Variants in COL5A2 observed in about 807,000 individuals in gnomAD.
COL5A2 encodes collagen type V alpha 2 chain.
COL5A2 carries 23 observed loss-of-function variants against 208.2 expected under a neutral mutation model. The observed-to-expected ratio is 0.11, with a 90% CI of 0.08 to 0.16. The LOEUF is 0.16. Among genes scored for constraint, COL5A2 ranks in the 10% least tolerant of loss-of-function variants. COL5A2 has a pLI of 1.00. For missense variants in COL5A2, 1,590 were observed against 1,956.4 expected, an observed-to-expected ratio of 0.81 and a Z score of 3.53; for synonymous variants, 625 against 628.5, an observed-to-expected ratio of 0.99 and a Z score of 0.08.
chr2:189,215,262 C>A (rs562584772), intron 1 of COL5A2, among the ~76,000 whole-genome samples: 2 of 152,178 alleles, frequency 1.3e-5, no homozygotes, highest in South Asian at 4.1e-4. Context: ...ACTAGGTACA[C>A]CCTCAGTCCC....
intron 22 of COL5A2, 34 bp downstream of exon 22, chr2:189,066,695 T>C: frequency 6.4e-7 from 1 of 1,569,368 alleles, no homozygotes; most frequent in Non-Finnish European, 8.8e-7. Context: ...GACAATACTA[T>C]GTTCTACTTA....
At chr2:189,259,560 A>C in the COL5A2 span, among the ~76,000 whole-genome samples, 4 of 152,168 alleles carry the variant, frequency 2.6e-5, no homozygotes, top group East Asian at 7.7e-4. Context: ...TTACAATAAC[A>C]AATTCGACAT....
At chr2:189,234,086 T>C in the COL5A2 span, among the ~76,000 whole-genome samples, 2 of 151,744 alleles carry the variant, frequency 1.3e-5, no homozygotes, top group Non-Finnish European at 2.9e-5. Flanking sequence ...GTTCTGTTTT[T>C]AGTTCCACTA....
At chr2:189,147,581 T>G (rs1332268542) in intron 1 of COL5A2, among the ~76,000 whole-genome samples, 1 of 152,154 alleles carries the variant, frequency 6.6e-6, no homozygotes, top group Non-Finnish European at 1.5e-5. Context: ...TGAATCACCA[T>G]GGGATTTGGA....
the COL5A2 span, among the ~76,000 whole-genome samples, chr2:189,286,094 G>GA: frequency 3.6e-4 from 50 of 137,946 alleles, no homozygotes; most frequent in East Asian, 3.3e-3. Flanking sequence ...ATACGTGGTT[G>GA]AAAAAAAAAA....
intron 49 of COL5A2, among the ~76,000 whole-genome samples, chr2:189,042,137 TTTAAA>T (rs1284610821): frequency 1.3e-5 from 2 of 152,234 alleles, no homozygotes; most frequent in African/African-American, 2.4e-5. Context: ...ACCAAGATTC[TTTAAA>T]TTATTTTTTC....
chr2:189,313,029 G>C, the COL5A2 span, among the ~76,000 whole-genome samples: 1 of 152,074 alleles, frequency 6.6e-6, no homozygotes, highest in African/African-American at 2.4e-5. Flanking sequence ...CAACCTGACA[G>C]AGCTGAAAAA....
intron 1 of COL5A2, among the ~76,000 whole-genome samples, chr2:189,224,118 A>T (rs988303357): frequency 6.6e-6 from 1 of 152,130 alleles, no homozygotes; most frequent in African/African-American, 2.4e-5. Context: ...ATGCTTTCAT[A>T]AAAATAACTG....
chr2:189,063,785 T>C (rs1313222707), intron 26 of COL5A2, among the ~76,000 whole-genome samples, 195 bp downstream of exon 26: 1 of 152,186 alleles, frequency 6.6e-6, no homozygotes, highest in Non-Finnish European at 1.5e-5. Flanking sequence ...CAAATATTTA[T>C]CTTAGTAAAA....
the COL5A2 span, among the ~76,000 whole-genome samples, chr2:189,369,832 T>C: frequency 7.2e-5 from 11 of 152,292 alleles, no homozygotes; most frequent in Non-Finnish European, 1.0e-4. Context: ...AGTTTTCCGA[T>C]TGCATGATGA....
At chr2:189,114,957 CTGTTTA>C (rs1207214895) in intron 1 of COL5A2, among the ~76,000 whole-genome samples, 2 of 151,880 alleles carry the variant, frequency 1.3e-5, no homozygotes, top group African/African-American at 4.8e-5. Context: ...GTATTTTTTG[CTGTTTA>C]TGTTTAACTT....
chr2:189,304,773 A>AAT, the COL5A2 span, among the ~76,000 whole-genome samples: 1 of 152,228 alleles, frequency 6.6e-6, no homozygotes, highest in African/African-American at 2.4e-5. Context: ...TTCTATATGT[A>AAT]ATAGGAGGTG....
the COL5A2 span, among the ~76,000 whole-genome samples, chr2:189,437,986 A>G: frequency 6.6e-6 from 1 of 151,904 alleles, no homozygotes; most frequent in Non-Finnish European, 1.5e-5. Flanking sequence ...TAAAAATTTT[A>G]TTAAATAAAA....
chr2:189,229,433 C>T (rs1231110557), upstream of COL5A2, among the ~76,000 whole-genome samples: 1 of 50,556 alleles, frequency 2.0e-5, no homozygotes, highest in Non-Finnish European at 4.1e-5. Flanking sequence ...CACATACATA[C>T]ACACACACAA....
At chr2:189,234,696 C>T in the COL5A2 span, among the ~76,000 whole-genome samples, 7 of 151,760 alleles carry the variant, frequency 4.6e-5, no homozygotes, top group Non-Finnish European at 1.0e-4. Flanking sequence ...TTTAGCTCCG[C>T]TAATTACTTG....
At chr2:189,212,165 C>T (rs1402909459) in intron 1 of COL5A2, among the ~76,000 whole-genome samples, 3 of 152,118 alleles carry the variant, frequency 2.0e-5, no homozygotes, top group Non-Finnish European at 4.4e-5. Flanking sequence ...TGTATTTTAC[C>T]TCTACATAGA....
At chr2:189,386,444 C>G in the COL5A2 span, among the ~76,000 whole-genome samples, 1 of 152,016 alleles carries the variant, frequency 6.6e-6, no homozygotes, top group Non-Finnish European at 1.5e-5. Context: ...ACTAAGTCCC[C>G]AAAAGCAACT....
chr2:189,058,989 G>T, intron 31 of COL5A2, 96 bp from the exon 32 acceptor site: 1 of 957,390 alleles, frequency 1.0e-6, no homozygotes, highest in Non-Finnish European at 1.7e-6. Context: ...TTCTATTAAT[G>T]TGCCATTAGA....
chr2:189,075,952 G>A (rs1274083445), intron 16 of COL5A2, among the ~76,000 whole-genome samples: 1 of 152,100 alleles, frequency 6.6e-6, no homozygotes, highest in Admixed American at 6.6e-5. Flanking sequence ...ATTGCCCTCA[G>A]CTAAAGGGAA....
Sources: gnomAD v4.1 joint callset for allele counts (sites outside exome capture counted in the v4.1 genomes callset) on GRCh38, gnomAD v4.1.1 for gene constraint, MANE v1.5 for transcripts, NCBI Gene and HGNC (gene_info 2026-07-23, HGNC 2026-07-21) for gene names.